Variants in TNXB observed in about 807,000 individuals in gnomAD.
TNXB encodes tenascin-X.
In TNXB, 183 loss-of-function variants were observed where a neutral mutation model predicts 340.5. The observed-to-expected ratio is 0.54, with a 90% CI of 0.48 to 0.61. The LOEUF (loss-of-function observed/expected upper bound fraction) is 0.61. TNXB is among the 20% of genes least tolerant of loss of function. TNXB has a pLI of 0.00. For missense variants in TNXB, 4,613 were observed against 5,446.4 expected (o/e 0.85, Z 4.82); for synonymous variants, 2,121 against 2,314.5 (o/e 0.92, Z 2.40).
In TNXB at chr6:32,043,697, C is replaced by G. The variant is rs1582325939; in HGVS notation, c.11530+52G>C. On this transcript the variant is annotated intron_variant, in intron 35 of 43. Coordinates refer to ENST00000644971, the MANE Select transcript of TNXB (RefSeq NM_001365276.2). Reference sequence around the variant, plus strand: ...TCCTCGTTCTCTCTCAACTCCCACCCATGCCGTTTTCTTGGCTCCCACCTC... The same window carrying G: ...TCCTCGTTCTCTCTCAACTCCCACCGATGCCGTTTTCTTGGCTCCCACCTC... 6.2e-6 allele frequency: 10 copies of G among 1,613,210 alleles called. No homozygotes were observed. The East Asian group carries it at 2.2e-4, about 36-fold the overall frequency.
intron 18 of TNXB, 103 bp from the exon 19 acceptor site, chr6:32,065,220 A>G: frequency 3.8e-6 from 4 of 1,041,854 alleles, no homozygotes; most frequent in Non-Finnish European, 5.4e-6. Context: ...TCTGGCCCTA[A>G]CTTAAGATCG....
At chr6:32,100,963 C>G (rs904470578) in intron 1 of TNXB, among the ~76,000 whole-genome samples, 1 of 150,636 alleles carries the variant, frequency 6.6e-6, no homozygotes, top group Non-Finnish European at 1.5e-5. Flanking sequence ...ACCTGTAGTC[C>G]CAGCTACTCG....
rs918086173 is a variant in TNXB, at chr6:32,086,029, G to A, written c.2869C>T (p.Gln957Ter). The A allele has an allele frequency of 6.2e-7, 1 of 1,605,628 alleles. No individual in the cohort carries two copies. The highest frequency in any genetic ancestry group is 8.5e-7 in the Non-Finnish European group (1 of 1,177,880). The stretch of plus-strand genomic sequence containing the variant: ...TCTCCCAGCTCCTGGGGGCGCTGCT[G>A]CAGGAGAGGAGCCTGGGCCCCTTGC... ...TTQGAQAPLL[Q>*]QRPQELGELR... is the part of the protein sequence containing the mutation. Residue 957 changes from glutamine to a stop codon, truncating the protein, a stop_gained, in exon 7 of 44, where the codon CAG (glutamine) becomes TAG (stop). Coordinates refer to ENST00000644971, the MANE Select transcript of TNXB (RefSeq NM_001365276.2). LOFTEE classifies it high-confidence loss of function.
At position 32,069,604 on chromosome 6, in the gene TNXB, C is replaced by CT. The variant is rs1562829822; in HGVS notation, c.5535_5536insA (p.Gly1846ArgfsTer26). On this transcript the variant is annotated frameshift_variant, in exon 15 of 44. Transcript: ENST00000644971. LOFTEE classifies it high-confidence loss of function. This position sits in a 1 kb window ranked among gnomAD's most constrained non-coding sequence, Gnocchi z 6.2. ...CCCACACGCTTGCCGTGGTGCAGCCCGTAGAGCAGCAGCTTGTACCTGTGG... is the reference window on the plus strand; with the variant it reads ...CCCACACGCTTGCCGTGGTGCAGCCCTGTAGAGCAGCAGCTTGTACCTGTGG... 6.2e-7 allele frequency: 1 copy of CT among 1,604,532 alleles called. No homozygotes were observed.
chr6:32,106,772 T>C (rs147924056), intron 1 of TNXB, among the ~76,000 whole-genome samples: 1 of 152,318 alleles, frequency 6.6e-6, no homozygotes, highest in East Asian at 1.9e-4. Context: ...GGGTAAGAGA[T>C]GGGCTCTGAC....
At position 32,043,729 on chromosome 6, in the gene TNXB, C is replaced by CG. The variant is rs765705938; in HGVS notation, c.11530+19dup. The CG allele has an allele frequency of 3.7e-6, 6 of 1,613,414 alleles. No homozygotes were observed. The highest frequency in any genetic ancestry group is 1.7e-5 in the Admixed American group (1 of 60,008). On this transcript the variant is annotated intron_variant, in intron 35 of 43. Coordinates refer to ENST00000644971, the MANE Select transcript of TNXB (RefSeq NM_001365276.2). ...TTTTCTTGGCTCCCACCTCTTGCCCCGGGTCCCAGTCCATCTCACCCGTGG... is the reference window on the plus strand; with the variant it reads ...TTTTCTTGGCTCCCACCTCTTGCCCCGGGGTCCCAGTCCATCTCACCCGTGG...
rs115612382 is a variant in TNXB at position 32,069,045 on chromosome 6, C to T, written c.5679G>A (p.Thr1893=). 18,427 of 1,612,742 alleles carry T rather than the reference C, an allele frequency of 0.011. 315 individuals carry two copies. Among genetic ancestry groups the T allele is most frequent in the Admixed American group, 0.036 (2,171 of 60,010 alleles). ...TCCAGGAGAGATGCAGGGTGTGTGA[C>T]GTGGCCTCCTCCACTGTCAACTCCC... is the stretch of plus-strand genomic sequence containing the variant. ...HLGELTVEEA[T]SHTLHLSWMV... Residue 1893 remains threonine (T), a synonymous_variant, in exon 16 of 44, where the codon ACG becomes ACA. Coordinates refer to ENST00000644971, the MANE Select transcript of TNXB (RefSeq NM_001365276.2). This position sits in a 1 kb window ranked among gnomAD's most constrained non-coding sequence, Gnocchi z 6.2.
In TNXB at chr6:32,047,686, C is replaced by G. The variant is rs779197673; in HGVS notation, c.10324+48G>C. The G allele has an allele frequency of 2.4e-5, 37 of 1,534,450 alleles. No individual in the cohort carries two copies. Among genetic ancestry groups the G allele is most frequent in the Admixed American group, 3.8e-5 (2 of 53,060 alleles). ...GGCTGCAGGGCCAGCTCTGAGGGCT[C>G]GGATGAGAGGCAGCTCTGGAAAAGG... On this transcript the variant is annotated intron_variant, in intron 30 of 43. Transcript: ENST00000644971. This position sits in a 1 kb window ranked among gnomAD's most constrained non-coding sequence, Gnocchi z 6.2.
chr6:32,057,220 C>T (rs1343116689), intron 22 of TNXB, among the ~76,000 whole-genome samples: 1 of 152,148 alleles, frequency 6.6e-6, no homozygotes, highest in Admixed American at 6.5e-5. Flanking sequence ...GGGGTCTCTT[C>T]GCCATCTTTT....
In TNXB at chr6:32,049,121, G is replaced by T; in HGVS notation, c.9757+149C>A. 8.3e-7 allele frequency: 1 copy of T among 1,203,112 alleles called. No homozygotes were observed. Among genetic ancestry groups the T allele is most frequent in the Non-Finnish European group, 1.1e-6 (1 of 888,322 alleles). 74.5% of individuals were successfully genotyped at this position (1,203,112 alleles called of 1,614,324 possible). Reference sequence around the variant, plus strand: ...CCATCTGACTCCACACAGTCTCCATGAATCCAAGGATGAGGCAGGATCATT... The same window carrying T: ...CCATCTGACTCCACACAGTCTCCATTAATCCAAGGATGAGGCAGGATCATT... On this transcript the variant is annotated intron_variant, in intron 28 of 43. Transcript: ENST00000644971. The surrounding 1 kb of genome is among the most constrained non-coding windows in gnomAD (Gnocchi z 4.5).
rs745464565 is a variant in TNXB at position 32,081,486 on chromosome 6, C to G, written c.3924G>C (p.Ala1308=). 6 of 1,604,770 alleles carry G rather than the reference C, an allele frequency of 3.7e-6. No individual in the cohort carries two copies. The highest frequency in any genetic ancestry group is 5.1e-6 in the Non-Finnish European group (6 of 1,175,860). Residue 1308 remains alanine (A), a synonymous_variant, in exon 10 of 44, where the codon GCG becomes GCC. Coordinates refer to ENST00000644971, the MANE Select transcript of TNXB (RefSeq NM_001365276.2). This position sits in a 1 kb window ranked among gnomAD's most constrained non-coding sequence, Gnocchi z 5.1. ...AQGQPQAVPV[A]GDENEVTVPG... ...GGACAGTAACCTCATTCTCATCCCC[C>G]GCAACAGGCACTGCCTGGGGCTGCC...
Position 32,067,705 on chromosome 6 carries a change from T to G in TNXB, c.6500A>C (p.His2167Pro). 6.2e-7 allele frequency: 1 copy of G among 1,613,816 alleles called. No homozygotes were observed. Among genetic ancestry groups the G allele is most frequent in the Non-Finnish European group, 8.5e-7 (1 of 1,179,834 alleles). The change falls in exon 18 of 44, where the codon CAC (histidine) becomes CCC (proline). Residue 2167 changes from histidine to proline, a missense_variant. Around this residue, in one of 7 missense-constraint regions of TNXB, gnomAD observed 4,327 missense variants for 4,859.4 expected, o/e 0.89. Coordinates refer to ENST00000644971, the MANE Select transcript of TNXB (RefSeq NM_001365276.2). This position sits in a 1 kb window ranked among gnomAD's most constrained non-coding sequence, Gnocchi z 4.2. Reference protein sequence around the residue: ...RKYKMHLYGLHEGRRVGPVSA... With the variant: ...RKYKMHLYGLPEGRRVGPVSA... The stretch of plus-strand genomic sequence containing the variant: ...CACTGGGCCCACGCGCCGCCCCTCG[T>G]GGAGGCCGTACAGGTGCATCTTGTA...
chr6:32,095,561 G>T (rs780076752), intron 3 of TNXB, 50 bp downstream of exon 3: 1 of 1,571,266 alleles, frequency 6.4e-7, no homozygotes, highest in Non-Finnish European at 8.7e-7. Flanking sequence ...CATGGCTCCT[G>T]TTCACAGAAT....
In TNXB at chr6:32,056,805, CAG is replaced by C; in HGVS notation, c.7922_7923del (p.Pro2641ArgfsTer15). The part of the protein sequence containing the change: ...LGELTMTDAT[P>X]DSLSLSWTVP... ...ACCGTCCAGGACAGGCTGAGGGAGT[CAG>C]GGGTGGCATCTGTCATGGTCAGCTC... On this transcript the variant is annotated frameshift_variant, in exon 23 of 44. Coordinates refer to ENST00000644971, the MANE Select transcript of TNXB (RefSeq NM_001365276.2). LOFTEE classifies it high-confidence loss of function. 4 of 1,613,174 alleles carry C rather than the reference CAG, an allele frequency of 2.5e-6. No individual in the cohort carries two copies. The highest frequency in any genetic ancestry group is 3.4e-6 in the Non-Finnish European group (4 of 1,179,838).
rs780392000 is a variant in TNXB, at chr6:32,082,476, A to C, written c.3446-150T>G. On this transcript the variant is annotated intron_variant, in intron 8 of 43. Coordinates refer to ENST00000644971, the MANE Select transcript of TNXB (RefSeq NM_001365276.2). This position sits in a 1 kb window ranked among gnomAD's most constrained non-coding sequence, Gnocchi z 5.0. Reference sequence around the variant, plus strand: ...AGGGAGTACAGAGGGACTGAAATCCAGCCAGCACTCTGCTTGCCGAGCTGT... The same window carrying C: ...AGGGAGTACAGAGGGACTGAAATCCCGCCAGCACTCTGCTTGCCGAGCTGT... 1 of 802,472 alleles carries C rather than the reference A, an allele frequency of 1.2e-6. No individual in the cohort carries two copies. Among genetic ancestry groups the C allele is most frequent in the Non-Finnish European group, 1.9e-6 (1 of 519,116 alleles). 49.7% of individuals were successfully genotyped at this position (802,472 alleles called of 1,614,324 possible).
rs577711306 is a variant in TNXB at position 32,056,654 on chromosome 6, T to G, written c.8075A>C (p.Tyr2692Ser). ...TISGLEPDHK[Y>S]KMNLYGFHGG... ...GTGGAAGCCGTACAGGTTCATCTTG[T>G]ATTTATGGTCTGGCTCCAGGCCTGA... Residue 2692 changes from tyrosine (Y) to serine (S), a missense_variant, in exon 23 of 44, where the codon TAC (tyrosine) becomes TCC (serine). Coordinates refer to ENST00000644971, the MANE Select transcript of TNXB (RefSeq NM_001365276.2). 1 of 1,613,118 alleles carries G rather than the reference T, an allele frequency of 6.2e-7. No homozygotes were observed.
chr6:32,073,806 A>G lies in TNXB; in HGVS notation c.4522T>C (p.Tyr1508His). 1 of 1,612,530 alleles carries G rather than the reference A, an allele frequency of 6.2e-7. No individual in the cohort carries two copies. Among genetic ancestry groups the G allele is most frequent in the Non-Finnish European group, 8.5e-7 (1 of 1,179,442 alleles). ...TGGGGCTGCCCGTCCTTGTCCTTGT[A>G]CTGGACTATGAAGGAGTCAAACTGG... ...EGQFDSFIVQ[Y>H]KDKDGQPQVV... is the part of the protein sequence containing the mutation. Residue 1508 changes from tyrosine (Y) to histidine (H), a missense_variant, in exon 12 of 44, where the codon TAC becomes CAC. Coordinates refer to ENST00000644971, the MANE Select transcript of TNXB (RefSeq NM_001365276.2). This position sits in a 1 kb window ranked among gnomAD's most constrained non-coding sequence, Gnocchi z 4.6.
Position 32,079,935 on chromosome 6 carries a change from G to A in TNXB, c.4043-570C>T, listed in dbSNP as rs549318540. 6.6e-5 allele frequency among the ~76,000 whole-genome samples: 10 copies of A among 152,308 alleles called. 1 individual carries two copies. The South Asian group carries it at 1.9e-3, about 28-fold the overall frequency. The stretch of plus-strand genomic sequence containing the variant: ...ATCACAGCCCTGTGGGCACCTACCC[G>A]CCCCCTACAGTTAGGTCTCTGCTGA... On this transcript the variant is annotated intron_variant, in intron 10 of 43. Coordinates refer to ENST00000644971, the MANE Select transcript of TNXB (RefSeq NM_001365276.2). This position sits in a 1 kb window ranked among gnomAD's most constrained non-coding sequence, Gnocchi z 7.1.
At position 32,090,266 on chromosome 6, in the gene TNXB, A is replaced by G. The variant is rs528487711; in HGVS notation, c.2359-887T>C. On this transcript the variant is annotated intron_variant, in intron 4 of 43. Coordinates refer to ENST00000644971, the MANE Select transcript of TNXB (RefSeq NM_001365276.2). The surrounding 1 kb of genome is among the most constrained non-coding windows in gnomAD (Gnocchi z 4.3). ...CTTGAATATATGAGATACTTACAAC[A>G]ATCTCTATGCTTAGCAAATGCTTGT... 6.6e-6 allele frequency among the ~76,000 whole-genome samples: 1 copy of G among 152,330 alleles called. No homozygotes were observed. The highest frequency in any genetic ancestry group is 2.4e-5 in the African/African-American group (1 of 41,582).
Sources: gnomAD v4.1 joint callset for allele counts (sites outside exome capture counted in the v4.1 genomes callset) on GRCh38, gnomAD v4.1.1 for gene constraint, gnomAD v4.1.1 regional missense constraint, Gnocchi (gnomAD v3.1) non-coding constraint, MANE v1.5 for transcripts, NCBI Gene and HGNC (gene_info 2026-07-23, HGNC 2026-07-21) for gene names.